CMTM6: variants seen among roughly 807,000 people sequenced by gnomAD.
The protein encoded by CMTM6 is CKLF-like MARVEL transmembrane domain-containing protein 6.
CMTM6 carries 5 observed loss-of-function variants against 13.6 expected under a neutral mutation model. The ratio of observed to expected loss-of-function variants is 0.37; its 90% CI spans 0.19 to 0.77. CMTM6 has a LOEUF of 0.77. Ranked by LOEUF, CMTM6 falls within the 30% of genes least tolerant of loss-of-function variation. The probability of loss-of-function intolerance (pLI) is 0.50; values close to 1 mark genes in which losing one functional copy is unlikely to be tolerated. For missense variants in CMTM6, 196 were observed against 218.6 expected (o/e 0.90, Z 0.65); for synonymous variants, 99 against 84.5 (o/e 1.17, Z -0.94).
intron 1 of CMTM6, among the ~76,000 whole-genome samples, chr3:32,493,303 G>A (rs567249846): frequency 6.6e-6 from 1 of 152,280 alleles, no homozygotes; most frequent in East Asian, 1.9e-4. Context: ...AGTGGAGAAT[G>A]TTAACTCTGG....
chr3:32,496,123 C>A (rs1263643570), intron 1 of CMTM6, among the ~76,000 whole-genome samples: 11 of 151,688 alleles, frequency 7.3e-5, no homozygotes. Context: ...ATTGCTTGAA[C>A]CCAGGAGGCA....
chr3:32,502,840 C>T lies in CMTM6; in HGVS notation c.-95G>A. 1 of 1,327,604 alleles carries T rather than the reference C, an allele frequency of 7.5e-7. No individual in the cohort carries two copies. The highest frequency in any genetic ancestry group is 1.7e-5 in the South Asian group (1 of 57,728). The allele number at this position is 1,327,604 out of a possible 1,614,324, so 82.2% of individuals were successfully genotyped here. On this transcript the variant is annotated 5_prime_UTR_variant, in exon 1 of 4. Coordinates refer to ENST00000205636, the MANE Select transcript of CMTM6 (RefSeq NM_017801.3). ...GGTAGCCGGGAGGCGGCCGTCACTTCCTGGGCCTTCTCCCCGGCTTCCGCC... is the reference window on the plus strand; with the variant it reads ...GGTAGCCGGGAGGCGGCCGTCACTTTCTGGGCCTTCTCCCCGGCTTCCGCC...
chr3:32,486,034 T>C (rs1188645684), intron 3 of CMTM6, among the ~76,000 whole-genome samples: 2 of 152,102 alleles, frequency 1.3e-5, no homozygotes, highest in African/African-American at 4.8e-5. Flanking sequence ...CCTGCCACCA[T>C]GCCCGGCTAA....
chr3:32,493,501 T>C (rs1697266261), intron 1 of CMTM6, among the ~76,000 whole-genome samples: 1 of 151,986 alleles, frequency 6.6e-6, no homozygotes, highest in Non-Finnish European at 1.5e-5. Flanking sequence ...GTGGAAGAGT[T>C]TGGTGAAGAT....
chr3:32,484,212 A>T lies in CMTM6; in HGVS notation c.415-115T>A, dbSNP rs929631210. ...AAGATGTTCATGAATTTTATCTTATACACGACTACTCTTTAATGGTAAAAA... is the reference window on the plus strand; with the variant it reads ...AAGATGTTCATGAATTTTATCTTATTCACGACTACTCTTTAATGGTAAAAA... On this transcript the variant is annotated intron_variant, in intron 3 of 3. Coordinates refer to ENST00000205636, the MANE Select transcript of CMTM6 (RefSeq NM_017801.3). The T allele has an allele frequency of 3.1e-6, 3 of 966,500 alleles. No homozygotes were observed. In the African/African-American group the frequency reaches 5.0e-5, roughly 16 times the overall value. The allele number at this position is 966,500 out of a possible 1,614,324, so 59.9% of individuals were successfully genotyped here.
chr3:32,501,325 G>C (rs1305909271), intron 1 of CMTM6, among the ~76,000 whole-genome samples: 1 of 151,900 alleles, frequency 6.6e-6, no homozygotes, highest in East Asian at 1.9e-4. Context: ...CAGCTGACAA[G>C]AGAAGAGAAG....
chr3:32,484,900 TCTC>T (rs1697189509), intron 3 of CMTM6, among the ~76,000 whole-genome samples: 3 of 152,060 alleles, frequency 2.0e-5, no homozygotes, highest in African/African-American at 7.3e-5. Flanking sequence ...TCTCCTGACC[TCTC>T]CTCCCCCCTC....
intron 3 of CMTM6, among the ~76,000 whole-genome samples, chr3:32,485,286 A>C (rs1466690499): frequency 2.6e-5 from 4 of 152,100 alleles, no homozygotes; most frequent in Non-Finnish European, 5.9e-5. Context: ...TCATAATTTA[A>C]ATAGTTACAA....
chr3:32,485,205 C>CT (rs1697192326), intron 3 of CMTM6, among the ~76,000 whole-genome samples: 1 of 151,070 alleles, frequency 6.6e-6, no homozygotes, highest in Non-Finnish European at 1.5e-5. Flanking sequence ...TCTTCTAGCT[C>CT]TTTTGTTCAC....
At position 32,482,835 on chromosome 3, in the gene CMTM6, C is replaced by T. The variant is rs1697167340; in HGVS notation, c.*1125G>A. The T allele has an allele frequency of 6.7e-6, 1 of 150,154 alleles. No individual in the cohort carries two copies. Among genetic ancestry groups the T allele is most frequent in the African/African-American group, 2.5e-5 (1 of 40,592 alleles). The allele number at this position is 150,154 out of a possible 1,614,324, so 9.3% of individuals were successfully genotyped here. ...CAAAAGGGCCCAAGATTCAGGACCACCTAAAGACAACTGACAAAAAGTGTC... is the reference window on the plus strand; with the variant it reads ...CAAAAGGGCCCAAGATTCAGGACCATCTAAAGACAACTGACAAAAAGTGTC... On this transcript the variant is annotated 3_prime_UTR_variant, in exon 4 of 4. Transcript: ENST00000205636.
chr3:32,484,816 TAA>T (rs955282468), intron 3 of CMTM6, among the ~76,000 whole-genome samples: 2 of 151,600 alleles, frequency 1.3e-5, no homozygotes, highest in African/African-American at 2.4e-5. Flanking sequence ...AGGTGATGGC[TAA>T]AGTCTCTTCC....
rs528762667 is a variant in CMTM6 at position 32,491,902 on chromosome 3, A to T, written c.139-16T>A. On this transcript the variant is annotated splice_polypyrimidine_tract_variant and intron_variant, in intron 1 of 3. Transcript: ENST00000205636. ...GAGACAGCAACTACAAATGAAGCAA[A>T]ACATTTTACTTAAGTGTTTTTTCAG... 32 of 1,588,986 alleles carry T rather than the reference A, an allele frequency of 2.0e-5. No individual in the cohort carries two copies. The East Asian group carries it at 6.3e-4, about 31-fold the overall frequency.
intron 3 of CMTM6, 144 bp downstream of exon 3, chr3:32,487,794 G>T: frequency 3.6e-6 from 2 of 548,650 alleles, no homozygotes; most frequent in South Asian, 6.1e-5. Flanking sequence ...TGATTTGCTT[G>T]TAGGTCTTCT....
In CMTM6 at chr3:32,491,724, T is replaced by C. The variant is rs758453194; in HGVS notation, c.301A>G (p.Lys101Glu). 1 of 1,592,992 alleles carries C rather than the reference T, an allele frequency of 6.3e-7. No homozygotes were observed. Residue 101 changes from lysine (K) to glutamate (E), a missense_variant, in exon 2 of 4, where the codon AAA (lysine) becomes GAA (glutamate). Lys to Glu is a moderately conservative substitution (Grantham distance 56). Transcript: ENST00000205636. Reference protein sequence around the residue: ...TPFYERVDTTKVKSSDFYITL... With the variant: ...TPFYERVDTTEVKSSDFYITL... ...CTCATGCTTACCGATGATTTTACTT[T>C]TGTGGTATCAACTCTCTCATAAAAT...
In CMTM6 at chr3:32,487,778, T is replaced by A; in HGVS notation, c.414+160A>T. The A allele has an allele frequency of 1.6e-5, 8 of 511,532 alleles. No homozygotes were observed. In the South Asian group the frequency reaches 3.0e-4, roughly 19 times the overall value. 31.7% of individuals were successfully genotyped at this position (511,532 alleles called of 1,614,324 possible). Reference sequence around the variant, plus strand: ...TATAGGCTCTAGGTTTTAAAGGCTATCATATTGATTTGCTTGTAGGTCTTC... The same window carrying A: ...TATAGGCTCTAGGTTTTAAAGGCTAACATATTGATTTGCTTGTAGGTCTTC... On this transcript the variant is annotated intron_variant, in intron 3 of 3. Coordinates refer to ENST00000205636, the MANE Select transcript of CMTM6 (RefSeq NM_017801.3).
intron 1 of CMTM6, among the ~76,000 whole-genome samples, chr3:32,497,651 A>C (rs1673269722): frequency 6.6e-6 from 1 of 151,732 alleles, no homozygotes. Context: ...CGAGGTCAGG[A>C]ATTTGAGACC....
At chr3:32,489,249 G>A (rs1458452283) in intron 2 of CMTM6, among the ~76,000 whole-genome samples, 22 of 124,354 alleles carry the variant, frequency 1.8e-4, no homozygotes, top group African/African-American at 2.9e-4. Flanking sequence ...CAGCCTGGGC[G>A]ACAGAGCGAG....
rs780203354 is a variant in CMTM6, at chr3:32,488,030, A to G, written c.322T>C (p.Tyr108His). 6.2e-7 allele frequency: 1 copy of G among 1,610,080 alleles called. No homozygotes were observed. The highest frequency in any genetic ancestry group is 8.5e-7 in the Non-Finnish European group (1 of 1,176,752). ...ACACATCCTGTTCCCAAAGTAATAT[A>G]AAAATCCTATGCATACATACAAAAC... ...DTTKVKSSDF[Y>H]ITLGTGCVFL... Residue 108 changes from tyrosine (Y) to histidine (H), a missense_variant, in exon 3 of 4, where the codon TAT (tyrosine) becomes CAT (histidine). Physicochemically the swap from Tyr to His is moderately conservative, Grantham distance 83. Transcript: ENST00000205636.
At chr3:32,487,110 T>C (rs1412728287) in intron 3 of CMTM6, among the ~76,000 whole-genome samples, 1 of 152,090 alleles carries the variant, frequency 6.6e-6, no homozygotes, top group East Asian at 1.9e-4. Flanking sequence ...TTTTTTCTTT[T>C]TGAGGGGCAA....
Sources: allele counts gnomAD v4.1 joint callset (sites outside exome capture counted in the v4.1 genomes callset), GRCh38; gene constraint gnomAD v4.1.1; transcripts MANE v1.5; gene names NCBI Gene and HGNC (gene_info 2026-07-23, HGNC 2026-07-21).